Variants in SRPRA observed in about 807,000 individuals in gnomAD.
The protein encoded by SRPRA is signal recognition particle receptor subunit alpha.
In SRPRA, 30 loss-of-function variants were observed where a neutral mutation model predicts 61.1. That is an observed-to-expected ratio of 0.49 (90% CI 0.37 to 0.67). The LOEUF is 0.67. Among genes scored for constraint, SRPRA ranks in the 30% least tolerant of loss-of-function variants. The probability of loss-of-function intolerance (pLI) is 0.00; values close to 1 mark genes in which losing one functional copy is unlikely to be tolerated. For missense variants in SRPRA, 759 were observed against 828.4 expected, an observed-to-expected ratio of 0.92 and a Z score of 1.03; for synonymous variants, 324 against 299.7, an observed-to-expected ratio of 1.08 and a Z score of -0.84.
downstream of SRPRA, chr11:126,261,619 C>T (rs1447686042): frequency 1.5e-6 from 1 of 650,744 alleles, no homozygotes; most frequent in African/African-American, 1.8e-5. Context: ...GAATGATTTT[C>T]CTCTCCTACC....
chr11:126,262,122 T>C (rs544830559), downstream of SRPRA: 9 of 1,614,140 alleles, frequency 5.6e-6, no homozygotes, highest in East Asian at 2.0e-4. Flanking sequence ...CCCTACAGGC[T>C]GTAGTACATG....
chr11:126,267,491 T>C lies in SRPRA; in HGVS notation c.365+58A>G, dbSNP rs918462964. The C allele has an allele frequency of 1.9e-6, 3 of 1,608,622 alleles. No homozygotes were observed. Among genetic ancestry groups the C allele is most frequent in the Non-Finnish European group, 2.5e-6 (3 of 1,176,710 alleles). On this transcript the variant is annotated intron_variant, in intron 3 of 13. Coordinates refer to ENST00000332118, the MANE Select transcript of SRPRA (RefSeq NM_003139.4). This position sits in a 1 kb window ranked among gnomAD's most constrained non-coding sequence, Gnocchi z 4.2. ...TCAATTTACCACCTTTGAACCACCTTCAGAGAGGTCATCAAATCATGGAAA... is the reference window on the plus strand; with the variant it reads ...TCAATTTACCACCTTTGAACCACCTCCAGAGAGGTCATCAAATCATGGAAA...
At chr11:126,261,648 T>C (rs896215300), downstream of SRPRA, among the ~76,000 whole-genome samples, 2 of 152,232 alleles carry the variant, frequency 1.3e-5, no homozygotes, top group African/African-American at 4.8e-5. Context: ...ATTCTATCTT[T>C]TCCTATCAAG....
rs1950878858 is a variant in SRPRA at position 126,268,771 on chromosome 11, C to T, written c.34G>A (p.Gly12Arg). The change falls in exon 1 of 14, where the codon GGG (glycine) becomes AGG (arginine). Residue 12 changes from glycine (G) to arginine (R), a missense_variant. Transcript: ENST00000332118. ...LDFFTIFSKGGLVLWCFQGVS... is the reference protein window; with the variant it reads ...LDFFTIFSKGRLVLWCFQGVS... ...CCCTGGAAGCACCAGAGCACAAGCC[C>T]GCCCTTGGAGAAAATGGTGAAGAAG... 1 of 1,613,814 alleles carries T rather than the reference C, an allele frequency of 6.2e-7. No homozygotes were observed. Among genetic ancestry groups the T allele is most frequent in the Non-Finnish European group, 8.5e-7 (1 of 1,180,024 alleles).
chr11:126,240,933 C>A, the SRPRA span: 83 of 1,614,106 alleles, frequency 5.1e-5, no homozygotes, highest in South Asian at 2.5e-4. Context: ...TGGATGCTGC[C>A]ATTGATTTTG....
the SRPRA span, among the ~76,000 whole-genome samples, chr11:126,236,572 T>C: frequency 1.3e-5 from 2 of 152,248 alleles, no homozygotes; most frequent in Non-Finnish European, 2.9e-5. Flanking sequence ...TCTTGTCATA[T>C]GAATCTAGAC....
In SRPRA at chr11:126,268,720, C is replaced by T. The variant is rs1317837107; in HGVS notation, c.85G>A (p.Val29Ile). Residue 29 changes from valine (V) to isoleucine (I), a missense_variant, in exon 1 of 14, where the codon GTT becomes ATT. Physicochemically the swap from Val to Ile is conservative, Grantham distance 29. Coordinates refer to ENST00000332118, the MANE Select transcript of SRPRA (RefSeq NM_003139.4). ...AGCACGGAACGAATCAACGCGTTAA[C>T]GGGTCCGGTGCATGAGTCGCTAACG... ...QGVSDSCTGP[V>I]NALIRSVLLQ... The T allele has an allele frequency of 8.7e-6, 14 of 1,613,756 alleles. No homozygotes were observed. Among genetic ancestry groups the T allele is most frequent in the Non-Finnish European group, 1.2e-5 (14 of 1,180,016 alleles).
chr11:126,246,448 C>G, the SRPRA span, among the ~76,000 whole-genome samples: 1 of 152,178 alleles, frequency 6.6e-6, no homozygotes, highest in African/African-American at 2.4e-5. Context: ...CTTAACTTGT[C>G]AACATCTGTT....
chr11:126,267,776 A>C lies in SRPRA; in HGVS notation c.202-64T>G, dbSNP rs1565347900. ...TACTAGCCTAGAATGGAGGGACGCC[A>C]ACTCAACCCTGGCTTTCAGAGATAG... is the stretch of plus-strand genomic sequence containing the variant. On this transcript the variant is annotated intron_variant, in intron 2 of 13. Coordinates refer to ENST00000332118, the MANE Select transcript of SRPRA (RefSeq NM_003139.4). This position sits in a 1 kb window ranked among gnomAD's most constrained non-coding sequence, Gnocchi z 4.2. The C allele has an allele frequency of 6.3e-7, 1 of 1,595,146 alleles. No homozygotes were observed. The highest frequency in any genetic ancestry group is 8.6e-7 in the Non-Finnish European group (1 of 1,167,072).
chr11:126,261,367 T>A, downstream of SRPRA: 29 of 1,443,514 alleles, frequency 2.0e-5, no homozygotes, highest in Non-Finnish European at 2.8e-5. Context: ...GTTTTCTTTT[T>A]GCTATTAATA....
At chr11:126,236,028 C>G in the SRPRA span, among the ~76,000 whole-genome samples, 1 of 152,188 alleles carries the variant, frequency 6.6e-6, no homozygotes, top group South Asian at 2.1e-4. Flanking sequence ...CTGAAACACA[C>G]CGATAACTTG....
chr11:126,243,194 G>C, the SRPRA span, among the ~76,000 whole-genome samples: 2 of 152,370 alleles, frequency 1.3e-5, no homozygotes, highest in African/African-American at 2.4e-5. Context: ...GACAGGGCTA[G>C]AGGAAATTCT....
rs749114518 is a variant in SRPRA at position 126,264,022 on chromosome 11, G to A, written c.1811C>T (p.Thr604Met). 21 of 1,614,130 alleles carry A rather than the reference G, an allele frequency of 1.3e-5. No individual in the cohort carries two copies. The South Asian group carries it at 1.5e-4, about 12-fold the overall frequency. Residue 604 changes from threonine (T) to methionine (M), a missense_variant, in exon 14 of 14, where the codon ACG becomes ATG. Physicochemically the swap from Thr to Met is moderately conservative, Grantham distance 81 (BLOSUM62 -1). Transcript: ENST00000332118. The surrounding 1 kb of genome is among the most constrained non-coding windows in gnomAD (Gnocchi z 5.0). Reference protein sequence around the residue: ...DDKVGAAISMTYITSKPIVFV... With the variant: ...DDKVGAAISMMYITSKPIVFV... ...GACGATGGGTTTGCTTGTGATGTAC[G>A]TCATAGAAATAGCAGCTCCCACCTA...
At chr11:126,254,371 C>T in the SRPRA span, 9 of 1,614,206 alleles carry the variant, frequency 5.6e-6, no homozygotes, top group Non-Finnish European at 7.6e-6. Context: ...CTACACCAAC[C>T]CTAGTGGCAT....
At chr11:126,258,246 G>C (rs1950611562), downstream of SRPRA, among the ~76,000 whole-genome samples, 1 of 152,154 alleles carries the variant, frequency 6.6e-6, no homozygotes. Flanking sequence ...AAATTAGCCA[G>C]GTGTGGTGGC....
chr11:126,237,997 T>C, the SRPRA span, among the ~76,000 whole-genome samples: 8 of 152,252 alleles, frequency 5.3e-5, no homozygotes, highest in South Asian at 6.2e-4. Flanking sequence ...ATAACTGTTA[T>C]GTTGGGGGCT....
chr11:126,266,012 A>C lies in SRPRA; in HGVS notation c.1002T>G (p.Ser334Arg), dbSNP rs1355919590. 1 of 1,614,118 alleles carries C rather than the reference A, an allele frequency of 6.2e-7. No homozygotes were observed. The highest frequency in any genetic ancestry group is 1.1e-5 in the South Asian group (1 of 91,090). ...LKGLVGSKSLSREDMESVLDK... is the reference protein window; with the variant it reads ...LKGLVGSKSLRREDMESVLDK... The stretch of plus-strand genomic sequence containing the variant: ...CCAGCACAGATTCCATGTCTTCACG[A>C]CTCAAGCTCTTTGAACCCACAAGGC... The change falls in exon 8 of 14, where the codon AGT (serine) becomes AGG (arginine). Residue 334 changes from serine to arginine, a missense_variant. Ser to Arg is a moderately radical substitution (Grantham distance 110, BLOSUM62 -1). Transcript: ENST00000332118.
At position 126,265,187 on chromosome 11, in the gene SRPRA, TAAG is replaced by T. The variant is rs1565345760; in HGVS notation, c.1312-18_1312-16del. The T allele has an allele frequency of 6.2e-7, 1 of 1,613,984 alleles. No individual in the cohort carries two copies. The highest frequency in any genetic ancestry group is 2.2e-5 in the East Asian group (1 of 44,886). The stretch of plus-strand genomic sequence containing the variant: ...CAGAAGGAAATCTGTGAAAAAGACG[TAAG>T]AAAAGTCACCTAAAGCCAGGATTTT... On this transcript the variant is annotated splice_polypyrimidine_tract_variant and intron_variant, in intron 10 of 13. Transcript: ENST00000332118. The surrounding 1 kb of genome is among the most constrained non-coding windows in gnomAD (Gnocchi z 6.3).
the SRPRA span, chr11:126,250,673 A>G: frequency 2.5e-6 from 4 of 1,614,162 alleles, no homozygotes; most frequent in Non-Finnish European, 3.4e-6. The surrounding 1 kb of genome is among the most constrained non-coding windows in gnomAD (Gnocchi z 5.1). Flanking sequence ...ATCTCTTGGA[A>G]CTGTATGCAG....
Sources: allele counts gnomAD v4.1 joint callset (sites outside exome capture counted in the v4.1 genomes callset), GRCh38; gene constraint gnomAD v4.1.1; non-coding constraint Gnocchi (gnomAD v3.1); transcripts MANE v1.5; gene names NCBI Gene and HGNC (gene_info 2026-07-23, HGNC 2026-07-21).